ABCC4: variants seen among roughly 807,000 people sequenced by gnomAD.
ABCC4 encodes the protein ATP binding cassette subfamily C member 4 (PEL blood group).
In ABCC4, 102 loss-of-function variants were observed where a neutral mutation model predicts 168.5. That is an observed-to-expected ratio of 0.61 (90% CI 0.52 to 0.71). The LOEUF (loss-of-function observed/expected upper bound fraction) is 0.71. Among genes scored for constraint, ABCC4 ranks in the 30% least tolerant of loss-of-function variants. The pLI, the probability that ABCC4 is intolerant of heterozygous loss-of-function variation, is 0.00. For synonymous variants in ABCC4, 617 were observed against 590.7 expected (o/e 1.04, Z -0.65); for missense variants, 1,402 against 1,605.8 (o/e 0.87, Z 2.17).
chr13:95,170,672 G>T, intron 13 of ABCC4, 44 bp from the exon 14 acceptor site: 3 of 1,190,032 alleles, frequency 2.5e-6, no homozygotes, highest in Non-Finnish European at 2.4e-6. Flanking sequence ...CATGAATGGG[G>T]TGCTCCACAT....
chr13:95,142,437 T>A (rs1032357870), intron 19 of ABCC4, among the ~76,000 whole-genome samples: 2 of 151,818 alleles, frequency 1.3e-5, no homozygotes, highest in Non-Finnish European at 2.9e-5. Flanking sequence ...AGGGGAAAGG[T>A]TGGAAAGGGG....
intron 19 of ABCC4, among the ~76,000 whole-genome samples, chr13:95,150,742 G>A (rs1215732429): frequency 6.6e-6 from 1 of 152,152 alleles, no homozygotes; most frequent in Non-Finnish European, 1.5e-5. Context: ...ACAGGTACTT[G>A]TAAAGGGCAA....
intron 19 of ABCC4, among the ~76,000 whole-genome samples, chr13:95,152,741 G>A (rs1054577831): frequency 6.6e-6 from 1 of 151,710 alleles, no homozygotes; most frequent in African/African-American, 2.4e-5. Context: ...AAAGGGGGAA[G>A]GAATAAAATA....
chr13:95,216,131 C>T (rs2138694577), intron 4 of ABCC4, among the ~76,000 whole-genome samples: 1 of 152,250 alleles, frequency 6.6e-6, no homozygotes, highest in East Asian at 1.9e-4. Flanking sequence ...AGAATTATTC[C>T]TATTTTGTAG....
intron 21 of ABCC4, among the ~76,000 whole-genome samples, chr13:95,078,452 T>C (rs2033983294): frequency 6.6e-6 from 1 of 151,806 alleles, no homozygotes; most frequent in African/African-American, 2.4e-5. Context: ...AAAAGATGAC[T>C]CTTCAACACA....
intron 27 of ABCC4, among the ~76,000 whole-genome samples, chr13:95,052,889 A>G (rs1270188876): frequency 6.6e-6 from 1 of 152,254 alleles, no homozygotes; most frequent in African/African-American, 2.4e-5. Flanking sequence ...GAAGAAAATT[A>G]AAATGAGAAC....
At chr13:95,065,374 C>G (rs1399057423) in intron 25 of ABCC4, among the ~76,000 whole-genome samples, 1 of 152,132 alleles carries the variant, frequency 6.6e-6, no homozygotes, top group Non-Finnish European at 1.5e-5. Flanking sequence ...CTGACAGAAT[C>G]CTTGTCACAT....
intron 19 of ABCC4, among the ~76,000 whole-genome samples, chr13:95,155,386 G>T (rs1594195560): frequency 6.6e-6 from 1 of 151,918 alleles, no homozygotes; most frequent in East Asian, 1.9e-4. Context: ...CTCGATTTTT[G>T]ATTAGGGAAC....
At chr13:95,194,065 C>A (rs922541312) in intron 9 of ABCC4, among the ~76,000 whole-genome samples, 12 of 152,160 alleles carry the variant, frequency 7.9e-5, no homozygotes, top group Non-Finnish European at 2.9e-5. Context: ...GGCAGGGAGC[C>A]CACTGCTTCC....
chr13:95,162,173 C>T (rs1436646127), intron 18 of ABCC4, among the ~76,000 whole-genome samples: 1 of 152,164 alleles, frequency 6.6e-6, no homozygotes, highest in East Asian at 1.9e-4. Context: ...CCTTAGCCTG[C>T]CATCCTACAC....
At chr13:95,301,003 GCCCCGCGT>G (rs1307272837) in intron 1 of ABCC4, among the ~76,000 whole-genome samples, 1 of 152,044 alleles carries the variant, frequency 6.6e-6, no homozygotes, top group Non-Finnish European at 1.5e-5. Context: ...AAAGCCACTG[GCCCCGCGT>G]CCCCGCGTCC....
chr13:95,161,357 T>TA (rs2037094873), intron 18 of ABCC4, 22 bp from the exon 19 acceptor site: 1 of 1,554,420 alleles, frequency 6.4e-7, no homozygotes, highest in Middle Eastern at 1.7e-4. Context: ...AAATATCACT[T>TA]AGAGAACACA....
At chr13:95,289,069 A>G (rs1211486776) in intron 1 of ABCC4, among the ~76,000 whole-genome samples, 9 of 152,204 alleles carry the variant, frequency 5.9e-5, no homozygotes. Context: ...AAAGAGGAAG[A>G]GTACACACTG....
At chr13:95,029,992 C>T (rs11617191) in intron 30 of ABCC4, among the ~76,000 whole-genome samples, 6 of 112,330 alleles carry the variant, frequency 5.3e-5, no homozygotes, top group Admixed American at 2.0e-4. Flanking sequence ...TCTATCTATC[C>T]ATCCATCCAT....
intron 30 of ABCC4, among the ~76,000 whole-genome samples, chr13:95,022,412 C>T (rs990964054): frequency 1.3e-5 from 2 of 152,138 alleles, no homozygotes; most frequent in African/African-American, 4.8e-5. Context: ...AACGTATAAT[C>T]AGAACATAAA....
intron 8 of ABCC4, among the ~76,000 whole-genome samples, chr13:95,200,778 A>T (rs1476030389): frequency 2.0e-5 from 3 of 152,192 alleles, no homozygotes; most frequent in Non-Finnish European, 4.4e-5. Context: ...GATGAAGCAG[A>T]ATCTCCAAGG....
At chr13:95,166,125 A>G (rs370795862) in intron 15 of ABCC4, 33 bp downstream of exon 15, 19 of 1,577,924 alleles carry the variant, frequency 1.2e-5, no homozygotes, top group Non-Finnish European at 5.2e-6. Flanking sequence ...AGTGAACAAA[A>G]CCAGGCCATG....
intron 30 of ABCC4, among the ~76,000 whole-genome samples, chr13:95,028,810 T>C (rs897728919): frequency 3.0e-4 from 45 of 150,478 alleles, no homozygotes; most frequent in African/African-American, 1.1e-3. Context: ...TAATTGGAAG[T>C]TAATTGGGAA....
intron 6 of ABCC4, among the ~76,000 whole-genome samples, chr13:95,208,776 A>C (rs562841145): frequency 5.9e-5 from 9 of 151,986 alleles, no homozygotes; most frequent in African/African-American, 2.2e-4. Context: ...GTGTACCACC[A>C]TGCCCAGCTA....
Sources: allele counts gnomAD v4.1 joint callset (sites outside exome capture counted in the v4.1 genomes callset), GRCh38; gene constraint gnomAD v4.1.1; transcripts MANE v1.5; gene names NCBI Gene and HGNC (gene_info 2026-07-23, HGNC 2026-07-21).